The following RBM47 variants were observed in gnomAD, a reference collection of about 807,000 sequenced individuals.
RBM47 encodes the protein RNA binding motif protein 47, also known as RNA-binding protein 47.
A neutral mutation model predicts 47.1 loss-of-function variants in RBM47; 21 were observed. That is an observed-to-expected ratio of 0.45 (90% CI 0.32 to 0.64). RBM47 has a LOEUF of 0.64. Among genes scored for constraint, RBM47 ranks in the 30% least tolerant of loss-of-function variants. The pLI is 0.05. For synonymous variants in RBM47, 375 were observed against 361.7 expected (o/e 1.04, Z -0.42); for missense variants, 708 against 870.9 (o/e 0.81, Z 2.35).
chr4:40,490,840 C>T (rs966605609), intron 2 of RBM47, among the ~76,000 whole-genome samples: 2 of 152,080 alleles, frequency 1.3e-5, no homozygotes, highest in Non-Finnish European at 2.9e-5. Context: ...CAATACTCCT[C>T]GATCTGATCT....
At chr4:40,480,602 A>G (rs1183806278) in intron 2 of RBM47, among the ~76,000 whole-genome samples, 1 of 152,212 alleles carries the variant, frequency 6.6e-6, no homozygotes, top group Non-Finnish European at 1.5e-5. Flanking sequence ...GAATGAAACC[A>G]TAAGTTAAGA....
At chr4:40,441,982 C>G (rs1031786213) in intron 3 of RBM47, among the ~76,000 whole-genome samples, 4 of 152,162 alleles carry the variant, frequency 2.6e-5, no homozygotes, top group African/African-American at 9.7e-5. Flanking sequence ...CTAGGAAGTT[C>G]ACGATTGATT....
intron 1 of RBM47, among the ~76,000 whole-genome samples, chr4:40,571,355 G>C (rs780117118): frequency 6.6e-6 from 1 of 152,042 alleles, no homozygotes; most frequent in Non-Finnish European, 1.5e-5. Context: ...CATACCAGTA[G>C]AGACAGGAAC....
At chr4:40,595,220 G>A (rs779834792) in intron 1 of RBM47, among the ~76,000 whole-genome samples, 2 of 152,254 alleles carry the variant, frequency 1.3e-5, no homozygotes, top group Non-Finnish European at 2.9e-5. Context: ...GAAGGGCTGG[G>A]CATGGTGGCT....
chr4:40,543,369 A>T (rs1388845744), intron 2 of RBM47: 1 of 152,154 alleles, frequency 6.6e-6, no homozygotes, highest in Non-Finnish European at 1.5e-5. Flanking sequence ...TTATGTCTGG[A>T]AGGCTGCTTC....
intron 1 of RBM47, among the ~76,000 whole-genome samples, chr4:40,564,539 A>G (rs1398632295): frequency 6.6e-6 from 1 of 152,254 alleles, no homozygotes; most frequent in African/African-American, 2.4e-5. Context: ...GGGAATCTCC[A>G]AAGATTAGGA....
intron 1 of RBM47, among the ~76,000 whole-genome samples, chr4:40,564,685 A>G (rs144192858): frequency 2.0e-5 from 3 of 152,354 alleles, no homozygotes; most frequent in Admixed American, 1.3e-4. Context: ...TCCTTTTAGA[A>G]TACAAAAAAA....
chr4:40,626,767 G>T (rs987679102), intron 1 of RBM47, among the ~76,000 whole-genome samples: 11 of 152,156 alleles, frequency 7.2e-5, no homozygotes, highest in Non-Finnish European at 1.3e-4. Flanking sequence ...GAAGCAATCA[G>T]AACTCCAGCT....
intron 1 of RBM47, among the ~76,000 whole-genome samples, chr4:40,607,170 G>A (rs1016423167): frequency 1.1e-4 from 16 of 152,064 alleles, no homozygotes; most frequent in Non-Finnish European, 1.9e-4. Flanking sequence ...ATATTACTCA[G>A]CCATAAAAAG....
intron 2 of RBM47, among the ~76,000 whole-genome samples, chr4:40,536,718 T>TGTG (rs59718734): frequency 0.15 from 22,412 of 148,234 alleles, 1,800 homozygotes; most frequent in East Asian, 0.2. Flanking sequence ...TGTGTGTGTG[T>TGTG]TTTTGTTTTT....
intron 3 of RBM47, among the ~76,000 whole-genome samples, chr4:40,450,534 G>A (rs1056953973): frequency 4.6e-5 from 7 of 151,992 alleles, no homozygotes; most frequent in African/African-American, 1.7e-4. Flanking sequence ...CCTGGGAGGC[G>A]GAGGTTGCAG....
intron 1 of RBM47, among the ~76,000 whole-genome samples, chr4:40,579,461 A>T (rs1732676857): frequency 6.6e-6 from 1 of 151,730 alleles, no homozygotes; most frequent in Non-Finnish European, 1.5e-5. Context: ...AAAGAAACAA[A>T]TTGGATGGGA....
At position 40,500,124 on chromosome 4, in the gene RBM47, C is replaced by T. The variant is rs193101445; in HGVS notation, c.-154-33425G>A. On this transcript the variant is annotated intron_variant, in intron 2 of 6. Coordinates refer to ENST00000295971, the MANE Select transcript of RBM47 (RefSeq NM_001098634.2). ...GAGGCCAGGAGTTCGAGACCAGCCTCGCCAACAGAGTGAAATCCCGTTCTA... is the reference window on the plus strand; with the variant it reads ...GAGGCCAGGAGTTCGAGACCAGCCTTGCCAACAGAGTGAAATCCCGTTCTA... Among the ~76,000 whole-genome samples the T allele has an allele frequency of 4.3e-3, 657 of 152,044 alleles. 1 individual carries two copies. Among genetic ancestry groups the T allele is most frequent in the African/African-American group, 0.015 (619 of 41,486 alleles).
chr4:40,436,352 G>T, intron 5 of RBM47, 89 bp downstream of exon 5: 1 of 1,301,734 alleles, frequency 7.7e-7, no homozygotes, highest in Non-Finnish European at 1.1e-6. Flanking sequence ...GTGCAGATGT[G>T]AGAGCCTGAA....
chr4:40,543,945 A>C (rs912241785), intron 2 of RBM47: 3 of 151,972 alleles, frequency 2.0e-5, no homozygotes, highest in Non-Finnish European at 4.4e-5. Context: ...GTATTGTGTG[A>C]AAAATAGAAG....
At chr4:40,589,184 T>C (rs1157622767) in intron 1 of RBM47, among the ~76,000 whole-genome samples, 4 of 151,432 alleles carry the variant, frequency 2.6e-5, no homozygotes, top group Admixed American at 6.6e-5. Context: ...GCCAGGCTGG[T>C]CTCGAACTCC....
At chr4:40,449,202 C>T (rs1340363799) in intron 3 of RBM47, among the ~76,000 whole-genome samples, 2 of 152,178 alleles carry the variant, frequency 1.3e-5, no homozygotes, top group African/African-American at 4.8e-5. Context: ...CTTTGAAACA[C>T]GGGCTCTTTT....
rs1419855564 is a variant in RBM47 at position 40,423,699 on chromosome 4, TCTTTCTTTCTTTC to T, written c.*2192_*2204del. On this transcript the variant is annotated 3_prime_UTR_variant, in exon 7 of 7. Coordinates refer to ENST00000295971, the MANE Select transcript of RBM47 (RefSeq NM_001098634.2). ...TTCTTTCTTTCTTTCTTTCTTTCTTTCTTTCTTTCTTTCTTTTCTTTCTTTTCTTTCTTCCTCT... is the reference window on the plus strand; with the variant it reads ...TTCTTTCTTTCTTTCTTTCTTTCTTTTTTTCTTTCTTTTCTTTCTTCCTCT... The T allele has an allele frequency of 4.4e-5, 4 of 90,888 alleles. No individual in the cohort carries two copies. The highest frequency in any genetic ancestry group is 2.6e-4 in the African/African-American group (4 of 15,560). 5.6% of individuals were successfully genotyped at this position (90,888 alleles called of 1,614,324 possible). A position where few individuals can be genotyped will look rare whatever the true frequency, so the allele number is the denominator to read the frequency against.
chr4:40,582,534 A>AAAAC lies in RBM47; in HGVS notation c.-239-38032_-239-38029dup, dbSNP rs571255092. 1.0e-2 allele frequency among the ~76,000 whole-genome samples: 1,519 copies of AAAAC among 152,238 alleles called. 27 individuals carry two copies. The highest frequency in any genetic ancestry group is 0.035 in the African/African-American group (1,434 of 41,514). On this transcript the variant is annotated intron_variant, in intron 1 of 6. Coordinates refer to ENST00000295971, the MANE Select transcript of RBM47 (RefSeq NM_001098634.2). ...GGGCAACAGAGCAAGACTCCATCTC[A>AAAAC]AAACAAACAAACAAACAATAAAAAC...
Sources: gnomAD v4.1 joint callset for allele counts (sites outside exome capture counted in the v4.1 genomes callset) on GRCh38, gnomAD v4.1.1 for gene constraint, MANE v1.5 for transcripts, NCBI Gene and HGNC (gene_info 2026-07-23, HGNC 2026-07-21) for gene names.